SH3GL2: variants seen among roughly 807,000 people sequenced by gnomAD.
SH3GL2 encodes the protein SH3 domain containing GRB2 like 2, endophilin A1.
In SH3GL2, 24 loss-of-function variants were observed where a neutral mutation model predicts 46.0. The ratio of observed to expected loss-of-function variants is 0.52; its 90% CI spans 0.38 to 0.73. The LOEUF (loss-of-function observed/expected upper bound fraction) is 0.73, where lower values mean the gene tolerates loss of function less well. SH3GL2 is among the 30% of genes least tolerant of loss of function. The pLI is 0.00. For missense variants in SH3GL2, 413 were observed against 424.2 expected, an observed-to-expected ratio of 0.97 and a Z score of 0.23; for synonymous variants, 196 against 147.1, an observed-to-expected ratio of 1.33 and a Z score of -2.40.
intron 1 of SH3GL2, among the ~76,000 whole-genome samples, chr9:17,727,330 C>T (rs1465219050): frequency 6.6e-6 from 1 of 152,156 alleles, no homozygotes; most frequent in Non-Finnish European, 1.5e-5. Flanking sequence ...TGTTTTTGAA[C>T]AGCTCACAAG....
At chr9:17,624,676 A>G (rs1405486338) in intron 1 of SH3GL2, among the ~76,000 whole-genome samples, 3 of 152,176 alleles carry the variant, frequency 2.0e-5, no homozygotes, top group African/African-American at 4.8e-5. Context: ...GCATGTTCCC[A>G]TCACTTACTT....
chr9:17,664,891 G>A (rs980250918), intron 1 of SH3GL2, among the ~76,000 whole-genome samples: 1 of 149,252 alleles, frequency 6.7e-6, no homozygotes, highest in Non-Finnish European at 1.5e-5. Flanking sequence ...GAATATTTAC[G>A]AAGAGTTTCT....
chr9:17,714,156 T>C (rs1821694146), intron 1 of SH3GL2, among the ~76,000 whole-genome samples: 1 of 151,754 alleles, frequency 6.6e-6, no homozygotes, highest in Non-Finnish European at 1.5e-5. Context: ...TAGTCCTTAC[T>C]ATGGTGTATT....
At chr9:17,794,033 T>TG (rs1361256016) in intron 8 of SH3GL2, among the ~76,000 whole-genome samples, 6 of 152,238 alleles carry the variant, frequency 3.9e-5, no homozygotes, top group African/African-American at 1.4e-4. Context: ...ACTCGACACT[T>TG]GCTGGGTTTT....
intron 4 of SH3GL2, among the ~76,000 whole-genome samples, chr9:17,786,997 C>A (rs759408255): frequency 1.3e-5 from 2 of 152,182 alleles, no homozygotes; most frequent in Non-Finnish European, 2.9e-5. Context: ...CCACACCCAA[C>A]ATCTTCTATT....
chr9:17,793,624 T>A, intron 8 of SH3GL2, 127 bp downstream of exon 8: 1 of 843,222 alleles, frequency 1.2e-6, no homozygotes, highest in Non-Finnish European at 1.9e-6. Context: ...TCTTATGGAG[T>A]CAGTTGTCAG....
intron 1 of SH3GL2, among the ~76,000 whole-genome samples, chr9:17,664,358 G>A (rs973024525): frequency 2.6e-5 from 4 of 152,116 alleles, no homozygotes; most frequent in African/African-American, 9.7e-5. Context: ...TGATTATCAT[G>A]TGGACATTGG....
chr9:17,737,493 T>G (rs1298560280), intron 1 of SH3GL2, among the ~76,000 whole-genome samples: 6 of 152,122 alleles, frequency 3.9e-5, no homozygotes, highest in Non-Finnish European at 8.8e-5. Context: ...TGTATTAACC[T>G]ACATCACATA....
At chr9:17,583,229 C>G (rs1300398819) in intron 1 of SH3GL2, among the ~76,000 whole-genome samples, 3 of 152,174 alleles carry the variant, frequency 2.0e-5, no homozygotes, top group Non-Finnish European at 1.5e-5. Flanking sequence ...GATATACTTT[C>G]TCCTTTTTTA....
At chr9:17,640,459 A>AT (rs71492925) in intron 1 of SH3GL2, among the ~76,000 whole-genome samples, 4,924 of 151,876 alleles carry the variant, frequency 0.032, 109 homozygotes, top group Non-Finnish European at 0.049. Flanking sequence ...TATGGGACAC[A>AT]TTTTTTTTGT....
chr9:17,732,162 A>T (rs1004660876), intron 1 of SH3GL2, among the ~76,000 whole-genome samples: 12 of 152,126 alleles, frequency 7.9e-5, no homozygotes, highest in African/African-American at 2.9e-4. Flanking sequence ...CAGCACATTA[A>T]TATTACCCTT....
chr9:17,615,482 C>T (rs999736455), intron 1 of SH3GL2, among the ~76,000 whole-genome samples: 1 of 151,822 alleles, frequency 6.6e-6, no homozygotes, highest in African/African-American at 2.4e-5. Context: ...CAGTGAAACC[C>T]CGTCTCTACT....
intron 1 of SH3GL2, among the ~76,000 whole-genome samples, chr9:17,645,929 G>A (rs1286662803): frequency 1.3e-5 from 2 of 152,038 alleles, no homozygotes; most frequent in Non-Finnish European, 2.9e-5. Context: ...GTCTTGCTAG[G>A]TTGGGGAAGT....
chr9:17,680,265 T>G (rs549760771), intron 1 of SH3GL2, among the ~76,000 whole-genome samples: 3 of 152,134 alleles, frequency 2.0e-5, no homozygotes, highest in African/African-American at 4.8e-5. Flanking sequence ...GTCCTGGGAT[T>G]TTTTTGGTTG....
chr9:17,733,755 T>A (rs1467113645), intron 1 of SH3GL2, among the ~76,000 whole-genome samples: 2 of 152,010 alleles, frequency 1.3e-5, no homozygotes, highest in Non-Finnish European at 2.9e-5. Context: ...ATTAAGAAAA[T>A]GCGGCACATA....
intron 3 of SH3GL2, among the ~76,000 whole-genome samples, chr9:17,763,786 C>G (rs918463836): frequency 3.9e-5 from 6 of 152,088 alleles, no homozygotes; most frequent in African/African-American, 1.2e-4. Context: ...CATTCATACA[C>G]CTAGGAAGGG....
chr9:17,622,605 T>C (rs1020535185), intron 1 of SH3GL2, among the ~76,000 whole-genome samples: 1 of 152,168 alleles, frequency 6.6e-6, no homozygotes, highest in African/African-American at 2.4e-5. Context: ...AAAAAAGTGA[T>C]ACCAATTAAA....
intron 1 of SH3GL2, among the ~76,000 whole-genome samples, chr9:17,672,476 T>C (rs1820498793): frequency 6.6e-6 from 1 of 152,130 alleles, no homozygotes. Flanking sequence ...CCAGATAATA[T>C]CTGGCATGTA....
chr9:17,715,179 TGA>T (rs1289662924), intron 1 of SH3GL2, among the ~76,000 whole-genome samples: 2 of 151,190 alleles, frequency 1.3e-5, no homozygotes, highest in East Asian at 3.9e-4. Flanking sequence ...TGTTTGATTA[TGA>T]TTTCTTTCTT....
Sources: gnomAD v4.1 joint callset for allele counts (sites outside exome capture counted in the v4.1 genomes callset) on GRCh38, gnomAD v4.1.1 for gene constraint, MANE v1.5 for transcripts, NCBI Gene and HGNC (gene_info 2026-07-23, HGNC 2026-07-21) for gene names.